FHIT: variants seen among roughly 807,000 people sequenced by gnomAD.
The protein encoded by FHIT is fragile histidine triad diadenosine triphosphatase, also known as bis(5'-adenosyl)-triphosphatase.
FHIT carries 19 observed loss-of-function variants against 17.9 expected under a neutral mutation model. The ratio of observed to expected loss-of-function variants is 1.06; its 90% CI spans 0.74 to 1.56. The LOEUF (loss-of-function observed/expected upper bound fraction) is 1.56, where lower values mean the gene tolerates loss of function less well. Ranked by LOEUF, FHIT falls within the 40% of genes most tolerant of loss-of-function variation. The pLI is 0.00. For synonymous variants in FHIT, 81 were observed against 69.7 expected, an observed-to-expected ratio of 1.16 and a Z score of -0.81; for missense variants, 248 against 189.2, an observed-to-expected ratio of 1.31 and a Z score of -1.82.
chr3:60,900,618 A>G, intron 3 of FHIT, among the ~76,000 whole-genome samples: 1 of 152,158 alleles, frequency 6.6e-6, no homozygotes, highest in East Asian at 1.9e-4. Flanking sequence ...ATATATTTTA[A>G]AAATTAATTT....
intron 2 of FHIT, among the ~76,000 whole-genome samples, chr3:61,188,382 A>C (rs1416123018): frequency 1.3e-5 from 2 of 152,156 alleles, no homozygotes; most frequent in African/African-American, 4.8e-5. Flanking sequence ...ACTAAACCAG[A>C]AAGAAGTTGA....
At chr3:61,219,327 A>ATG (rs72023729) in intron 1 of FHIT, among the ~76,000 whole-genome samples, 5,430 of 146,898 alleles carry the variant, frequency 0.037, 105 homozygotes, top group African/African-American at 0.056. Flanking sequence ...AAATCTAAAA[A>ATG]TGTGTGTGTG....
At position 59,779,256 on chromosome 3, in the gene FHIT, A is replaced by C. The variant is rs147100653; in HGVS notation, c.349-26935T>G. Among the ~76,000 whole-genome samples, 68 of 152,300 alleles carry C rather than the reference A, an allele frequency of 4.5e-4. 1 individual carries two copies. The highest frequency in any genetic ancestry group is 1.4e-3 in the African/African-American group (58 of 41,568). On this transcript the variant is annotated intron_variant, in intron 8 of 9. Coordinates refer to ENST00000492590, the MANE Select transcript of FHIT (RefSeq NM_002012.4). ...GACTCTAGGGGTGCTTTTGGAAACC[A>C]CTGTGATCAGAAACGTATATATTGT...
chr3:61,059,833 T>A (rs191298945), intron 2 of FHIT, among the ~76,000 whole-genome samples: 25 of 152,318 alleles, frequency 1.6e-4, no homozygotes, highest in Admixed American at 1.4e-3. Flanking sequence ...AGAAAATAAA[T>A]TGATTCCCAG....
In FHIT at chr3:60,634,152, G is replaced by A. The variant is rs369971379; in HGVS notation, c.-17-97173C>T. Among the ~76,000 whole-genome samples, 5 of 152,250 alleles carry A rather than the reference G, an allele frequency of 3.3e-5. No individual in the cohort carries two copies. The East Asian group carries it at 7.7e-4, about 24-fold the overall frequency. On this transcript the variant is annotated intron_variant, in intron 4 of 9. Coordinates refer to ENST00000492590, the MANE Select transcript of FHIT (RefSeq NM_002012.4). ...GCTTCACTTTCCTCATCTGTAAAATGGGTGAAAGCCAACTTCAGTGAGTTC... is the reference window on the plus strand; with the variant it reads ...GCTTCACTTTCCTCATCTGTAAAATAGGTGAAAGCCAACTTCAGTGAGTTC...
intron 4 of FHIT, among the ~76,000 whole-genome samples, chr3:60,717,555 C>A (rs1056811112): frequency 2.6e-5 from 4 of 152,140 alleles, no homozygotes; most frequent in Middle Eastern, 3.2e-3. Flanking sequence ...AGCAGCAGCG[C>A]AGGTTGTACA....
chr3:60,518,302 T>A (rs1445296895), intron 5 of FHIT, among the ~76,000 whole-genome samples: 1 of 152,026 alleles, frequency 6.6e-6, no homozygotes, highest in South Asian at 2.1e-4. Flanking sequence ...TTTAAAAATA[T>A]CCCAATAGAA....
chr3:60,569,821 G>A (rs1437033225), intron 4 of FHIT, among the ~76,000 whole-genome samples: 3 of 139,056 alleles, frequency 2.2e-5, no homozygotes, highest in African/African-American at 5.4e-5. Flanking sequence ...GCACAATCTC[G>A]GCTCACTGCA....
chr3:60,857,136 T>G (rs752356110), intron 3 of FHIT, among the ~76,000 whole-genome samples: 8 of 152,108 alleles, frequency 5.3e-5, no homozygotes, highest in African/African-American at 9.7e-5. Context: ...ATACAATAAA[T>G]GGCCAGGTGT....
intron 5 of FHIT, among the ~76,000 whole-genome samples, chr3:60,072,523 G>A (rs1702822716): frequency 6.6e-6 from 1 of 152,174 alleles, no homozygotes; most frequent in African/African-American, 2.4e-5. Context: ...CTTATGTGCT[G>A]GGCACTGTTT....
At chr3:60,490,977 T>C (rs997937314) in intron 5 of FHIT, among the ~76,000 whole-genome samples, 1 of 152,138 alleles carries the variant, frequency 6.6e-6, no homozygotes, top group South Asian at 2.1e-4. Flanking sequence ...CAAAAGGTAA[T>C]TGCAAAATAA....
chr3:61,179,759 A>G (rs1011451035), intron 2 of FHIT, among the ~76,000 whole-genome samples: 1 of 151,582 alleles, frequency 6.6e-6, no homozygotes, highest in Non-Finnish European at 1.5e-5. Flanking sequence ...CACAAATTCA[A>G]AAACATGGTA....
At chr3:60,209,557 T>A (rs1389541127) in intron 5 of FHIT, among the ~76,000 whole-genome samples, 1 of 152,094 alleles carries the variant, frequency 6.6e-6, no homozygotes, top group East Asian at 1.9e-4. Context: ...GAGCCAATAG[T>A]AAAAATCTCA....
chr3:61,198,100 A>G (rs949550959), intron 2 of FHIT, among the ~76,000 whole-genome samples: 1 of 152,120 alleles, frequency 6.6e-6, no homozygotes, highest in African/African-American at 2.4e-5. Flanking sequence ...TATTTATTCC[A>G]GATCTAGCTC....
intron 4 of FHIT, among the ~76,000 whole-genome samples, chr3:60,723,505 C>G (rs1004719003): frequency 1.2e-4 from 19 of 152,202 alleles, no homozygotes; most frequent in African/African-American, 4.6e-4. Flanking sequence ...CAGCTCCCAG[C>G]AGTAGCCTTG....
intron 5 of FHIT, among the ~76,000 whole-genome samples, chr3:60,120,299 C>T (rs987698264): frequency 3.9e-5 from 6 of 152,128 alleles, no homozygotes; most frequent in Non-Finnish European, 7.3e-5. Flanking sequence ...AGTGCCTGCA[C>T]GTAGTAGTTA....
chr3:60,849,401 T>C (rs548410132), intron 3 of FHIT, among the ~76,000 whole-genome samples: 1 of 147,744 alleles, frequency 6.8e-6, no homozygotes, highest in Admixed American at 6.8e-5. Flanking sequence ...GAGAATAAAA[T>C]TGTCATTTCC....
At chr3:60,199,973 GT>G (rs1702823864) in intron 5 of FHIT, among the ~76,000 whole-genome samples, 1 of 152,068 alleles carries the variant, frequency 6.6e-6, no homozygotes, top group Non-Finnish European at 1.5e-5. Context: ...TTGTACTAGG[GT>G]TTTTATTCTG....
intron 4 of FHIT, among the ~76,000 whole-genome samples, chr3:60,540,571 G>GA (rs965220394): frequency 6.6e-6 from 1 of 152,174 alleles, no homozygotes; most frequent in African/African-American, 2.4e-5. Flanking sequence ...GTGTTGGGGG[G>GA]AAAGAAACCC....
Sources: allele counts gnomAD v4.1 joint callset (sites outside exome capture counted in the v4.1 genomes callset), GRCh38; gene constraint gnomAD v4.1.1; transcripts MANE v1.5; gene names NCBI Gene and HGNC (gene_info 2026-07-23, HGNC 2026-07-21).